The following DPP6 variants were observed in gnomAD, a reference collection of about 807,000 sequenced individuals.
DPP6 encodes the protein dipeptidyl peptidase like 6.
Under a neutral mutation model 122.6 loss-of-function variants are expected in DPP6, and 69 were observed. That is an observed-to-expected ratio of 0.56 (90% CI 0.46 to 0.69). The LOEUF is 0.69. Among genes scored for constraint, DPP6 ranks in the 30% least tolerant of loss-of-function variants. The probability of loss-of-function intolerance (pLI) is 0.00; values close to 1 mark genes in which losing one functional copy is unlikely to be tolerated. For synonymous variants in DPP6, 418 were observed against 433.1 expected, an observed-to-expected ratio of 0.97 and a Z score of 0.43; for missense variants, 928 against 1,116.9, an observed-to-expected ratio of 0.83 and a Z score of 2.41.
At position 154,618,013 on chromosome 7, in the gene DPP6, T is replaced by C. The variant is rs1479637038; in HGVS notation, c.628-19808T>C. Among the ~76,000 whole-genome samples the C allele has an allele frequency of 1.3e-5, 2 of 152,154 alleles. No homozygotes were observed. The highest frequency in any genetic ancestry group is 4.8e-5 in the African/African-American group (2 of 41,434). On this transcript the variant is annotated intron_variant, in intron 5 of 25. Coordinates refer to ENST00000377770, the MANE Select transcript of DPP6 (RefSeq NM_130797.4). This position sits in a 1 kb window ranked among gnomAD's most constrained non-coding sequence, Gnocchi z 4.1. Reference sequence around the variant, plus strand: ...GGCTGCAGACCCGGGACTCAAACGATGTGCAAAGGCCTCAGTTTCTCTCTT... The same window carrying C: ...GGCTGCAGACCCGGGACTCAAACGACGTGCAAAGGCCTCAGTTTCTCTCTT...
chr7:154,647,076 C>G (rs2130970414), intron 6 of DPP6, among the ~76,000 whole-genome samples: 1 of 152,314 alleles, frequency 6.6e-6, no homozygotes, highest in Non-Finnish European at 1.5e-5. Flanking sequence ...TCCCTGGTTC[C>G]TGATACTGGG....
chr7:154,463,904 G>A (rs1261525028), intron 2 of DPP6, among the ~76,000 whole-genome samples: 1 of 151,968 alleles, frequency 6.6e-6, no homozygotes, highest in Non-Finnish European at 1.5e-5. Context: ...AGAGCTGCAA[G>A]CTGTGCTGCC....
chr7:154,378,968 AC>A (rs71520175), intron 1 of DPP6, among the ~76,000 whole-genome samples: 1 of 152,278 alleles, frequency 6.6e-6, no homozygotes, highest in Admixed American at 6.5e-5. Context: ...ATCACCTCCC[AC>A]CAAGTCCCTC....
At chr7:154,227,736 A>G (rs569024589) in intron 1 of DPP6, among the ~76,000 whole-genome samples, 1 of 152,234 alleles carries the variant, frequency 6.6e-6, no homozygotes, top group East Asian at 1.9e-4. Context: ...CAGGGTGGGT[A>G]AGACTTATTT....
chr7:153,770,489 G>T, the DPP6 span, among the ~76,000 whole-genome samples: 1 of 151,810 alleles, frequency 6.6e-6, no homozygotes, highest in African/African-American at 2.4e-5. Flanking sequence ...CCCAGCCCAA[G>T]ACCTAACTAG....
chr7:154,593,543 A>G (rs1411616790), intron 5 of DPP6, among the ~76,000 whole-genome samples: 3 of 152,240 alleles, frequency 2.0e-5, no homozygotes, highest in Non-Finnish European at 2.9e-5. Flanking sequence ...ATCTTAGGAC[A>G]TGCACATTAA....
intron 1 of DPP6, among the ~76,000 whole-genome samples, chr7:153,981,995 C>A (rs1420022885): frequency 6.6e-6 from 1 of 152,150 alleles, no homozygotes; most frequent in African/African-American, 2.4e-5. Context: ...TCATTTCAAC[C>A]TTGGTGAATC....
At chr7:154,743,534 C>T (rs1050664500) in intron 8 of DPP6, among the ~76,000 whole-genome samples, 7 of 152,182 alleles carry the variant, frequency 4.6e-5, no homozygotes, top group African/African-American at 2.4e-5. Flanking sequence ...GCTGAATTTT[C>T]GTTAAGCTGC....
chr7:154,386,250 C>G (rs1814099429), intron 1 of DPP6, among the ~76,000 whole-genome samples: 1 of 152,080 alleles, frequency 6.6e-6, no homozygotes, highest in South Asian at 2.1e-4. Context: ...ATTTCCAGTG[C>G]CCCCATATTG....
chr7:154,681,081 A>G (rs1839250683), intron 7 of DPP6, among the ~76,000 whole-genome samples: 1 of 149,840 alleles, frequency 6.7e-6, no homozygotes, highest in African/African-American at 2.5e-5. Flanking sequence ...ATATTTCACA[A>G]TAAGAGAATA....
chr7:154,632,415 A>G (rs1835461909), intron 5 of DPP6, among the ~76,000 whole-genome samples: 1 of 152,188 alleles, frequency 6.6e-6, no homozygotes, highest in African/African-American at 2.4e-5. Flanking sequence ...ATTGGGCGCT[A>G]TTTGATTGAA....
At chr7:153,894,072 C>G (rs752257810) in intron 1 of DPP6, among the ~76,000 whole-genome samples, 1 of 152,090 alleles carries the variant, frequency 6.6e-6, no homozygotes, top group African/African-American at 2.4e-5. Flanking sequence ...TCCCTGGCCC[C>G]GCAACTCACA....
intron 7 of DPP6, among the ~76,000 whole-genome samples, chr7:154,697,817 G>A (rs535291231): frequency 6.6e-6 from 1 of 152,114 alleles, no homozygotes; most frequent in African/African-American, 2.4e-5. Flanking sequence ...TGGCGTGCGC[G>A]GCTCTGTCTG....
chr7:154,470,347 C>A (rs1254957174), intron 2 of DPP6, among the ~76,000 whole-genome samples: 2 of 152,098 alleles, frequency 1.3e-5, no homozygotes, highest in African/African-American at 4.8e-5. Flanking sequence ...GACTATAAAG[C>A]ACTTTAGAGT....
chr7:154,711,076 A>C (rs557033871), intron 7 of DPP6, among the ~76,000 whole-genome samples: 5 of 152,372 alleles, frequency 3.3e-5, no homozygotes, highest in African/African-American at 1.2e-4. Flanking sequence ...GCAATTGCCA[A>C]ATAGTCACTA....
intron 1 of DPP6, among the ~76,000 whole-genome samples, chr7:154,228,603 AT>A (rs1252756268): frequency 1.3e-5 from 2 of 152,330 alleles, no homozygotes; most frequent in Middle Eastern, 3.4e-3. Flanking sequence ...AACCTAAGAT[AT>A]TGTCCTAAGC....
At chr7:154,255,453 A>T (rs1437852257) in intron 1 of DPP6, among the ~76,000 whole-genome samples, 1 of 152,138 alleles carries the variant, frequency 6.6e-6, no homozygotes, top group Non-Finnish European at 1.5e-5. Flanking sequence ...AGGCTGAGCC[A>T]CTCCCAGCAC....
Position 154,653,052 on chromosome 7 carries a change from C to A in DPP6, c.680+15179C>A, listed in dbSNP as rs184643899. Among the ~76,000 whole-genome samples, 14 of 152,248 alleles carry A rather than the reference C, an allele frequency of 9.2e-5. No homozygotes were observed. The East Asian group carries it at 2.3e-3, about 25-fold the overall frequency. On this transcript the variant is annotated intron_variant, in intron 6 of 25. Coordinates refer to ENST00000377770, the MANE Select transcript of DPP6 (RefSeq NM_130797.4). Reference sequence around the variant, plus strand: ...CCAGGCTGGGGTCTCATGGCTCTTGCCACAGGCCAAAAAGAAATAAGATTT... The same window carrying A: ...CCAGGCTGGGGTCTCATGGCTCTTGACACAGGCCAAAAAGAAATAAGATTT...
At chr7:154,078,470 A>C (rs1205295866) in intron 1 of DPP6, among the ~76,000 whole-genome samples, 1 of 152,052 alleles carries the variant, frequency 6.6e-6, no homozygotes, top group Non-Finnish European at 1.5e-5. Flanking sequence ...AAAATCTTGA[A>C]AGTGTCTTAG....
Sources: gnomAD v4.1 joint callset for allele counts (sites outside exome capture counted in the v4.1 genomes callset) on GRCh38, gnomAD v4.1.1 for gene constraint, Gnocchi (gnomAD v3.1) non-coding constraint, MANE v1.5 for transcripts, NCBI Gene and HGNC (gene_info 2026-07-23, HGNC 2026-07-21) for gene names.